PRKAR1B: variants seen among roughly 807,000 people sequenced by gnomAD.
The protein encoded by PRKAR1B is protein kinase cAMP-dependent type I regulatory subunit beta.
Under a neutral mutation model 46.5 loss-of-function variants are expected in PRKAR1B, and 22 were observed. That is an observed-to-expected ratio of 0.47 (90% confidence interval 0.34 to 0.68). PRKAR1B has a LOEUF of 0.68. PRKAR1B is among the 30% of genes least tolerant of loss of function. PRKAR1B has a pLI of 0.01. For missense variants in PRKAR1B, 445 were observed against 535.6 expected, an observed-to-expected ratio of 0.83 and a Z score of 1.67; for synonymous variants, 259 against 217.7, an observed-to-expected ratio of 1.19 and a Z score of -1.67.
Position 711,384 on chromosome 7 carries a change from G to C in PRKAR1B, c.122C>G (p.Ser41Cys). 1 of 1,614,246 alleles carries C rather than the reference G, an allele frequency of 6.2e-7. No individual in the cohort carries two copies. The highest frequency in any genetic ancestry group is 1.3e-5 in the African/African-American group (1 of 75,074). The change falls in exon 2 of 11, where the codon TCC (serine) becomes TGC (cysteine). Residue 41 changes from serine (S) to cysteine (C), a missense_variant. By Grantham distance (112) the Ser-to-Cys change is moderately radical (BLOSUM62 -1). Coordinates refer to ENST00000537384, the MANE Select transcript of PRKAR1B (RefSeq NM_001164760.2). ...LKDCIVHLCISKPERPMKFLR... is the reference protein window; with the variant it reads ...LKDCIVHLCICKPERPMKFLR... The stretch of plus-strand genomic sequence containing the variant: ...GAACTTCATGGGGCGTTCGGGCTTG[G>C]AGATGCAGAGGTGGACGATACAGTC...
intron 6 of PRKAR1B, among the ~76,000 whole-genome samples, chr7:597,202 G>A (rs112665950): frequency 0.062 from 9,478 of 152,280 alleles, 352 homozygotes; most frequent in East Asian, 0.078. Flanking sequence ...GTTGCATATC[G>A]GGAAAGAATG....
chr7:611,244 G>A (rs1782466100), intron 4 of PRKAR1B, among the ~76,000 whole-genome samples: 1 of 152,220 alleles, frequency 6.6e-6, no homozygotes, highest in African/African-American at 2.4e-5. Context: ...CAGAGCATGT[G>A]CCTCCCTCTC....
intron 4 of PRKAR1B, among the ~76,000 whole-genome samples, chr7:657,544 A>T (rs1416060415): frequency 1.3e-5 from 2 of 152,234 alleles, no homozygotes; most frequent in African/African-American, 4.8e-5. Context: ...TTTCACCGTT[A>T]GAAAATACAA....
chr7:719,226 G>A (rs1051749628), intron 1 of PRKAR1B, among the ~76,000 whole-genome samples: 1 of 152,014 alleles, frequency 6.6e-6, no homozygotes, highest in East Asian at 1.9e-4. Flanking sequence ...TTTTAGTAGA[G>A]ACGCGGTTTC....
Position 635,074 on chromosome 7 carries a change from C to T in PRKAR1B, c.441-27622G>A. Reference sequence around the variant, plus strand: ...GCTGAGTGGCAAAGGGTACACAGGGCTTCATGATACTCTCCTTGCAACGTT... The same window carrying T: ...GCTGAGTGGCAAAGGGTACACAGGGTTTCATGATACTCTCCTTGCAACGTT... On this transcript the variant is annotated intron_variant, in intron 4 of 10. Transcript: ENST00000537384. Among the ~76,000 whole-genome samples, 2 of 152,224 alleles carry T rather than the reference C, an allele frequency of 1.3e-5. 1 individual carries two copies. The highest frequency in any genetic ancestry group is 3.8e-4 in the East Asian group (2 of 5,196).
intron 4 of PRKAR1B, among the ~76,000 whole-genome samples, chr7:635,719 G>C (rs534752860): frequency 6.6e-6 from 1 of 152,158 alleles, no homozygotes; most frequent in East Asian, 1.9e-4. Context: ...AAGGCACAGC[G>C]AGGGAGACGG....
intron 4 of PRKAR1B, among the ~76,000 whole-genome samples, chr7:664,904 A>G (rs1785820027): frequency 6.6e-6 from 1 of 152,098 alleles, no homozygotes; most frequent in Non-Finnish European, 1.5e-5. Flanking sequence ...ACGGAGCAAG[A>G]CTGTGTCTCA....
At chr7:571,271 C>G (rs1014569605) in intron 9 of PRKAR1B, among the ~76,000 whole-genome samples, 3 of 152,206 alleles carry the variant, frequency 2.0e-5, no homozygotes, top group South Asian at 2.1e-4. Context: ...CCAGGAGCCT[C>G]GCGGTACAGG....
At chr7:681,244 T>C (rs1778667206) in intron 2 of PRKAR1B, among the ~76,000 whole-genome samples, 1 of 151,506 alleles carries the variant, frequency 6.6e-6, no homozygotes, top group Admixed American at 6.6e-5. Context: ...TGTGAGTCAA[T>C]TCAACCTCTC....
chr7:689,179 G>T (rs906922352), intron 2 of PRKAR1B, among the ~76,000 whole-genome samples: 58 of 151,682 alleles, frequency 3.8e-4, no homozygotes, highest in African/African-American at 1.3e-3. Context: ...GCAGTGGCGC[G>T]ATCTCGGCTC....
chr7:703,910 G>C (rs1780186436), intron 2 of PRKAR1B, among the ~76,000 whole-genome samples: 1 of 151,990 alleles, frequency 6.6e-6, no homozygotes, highest in Admixed American at 6.6e-5. Context: ...AAATAACAGA[G>C]AGATATCAAA....
At position 649,558 on chromosome 7, in the gene PRKAR1B, G is replaced by A. The variant is rs148781803; in HGVS notation, c.440+27671C>T. 3.1e-4 allele frequency among the ~76,000 whole-genome samples: 47 copies of A among 151,714 alleles called. No individual in the cohort carries two copies. The East Asian group carries it at 5.6e-3, about 18-fold the overall frequency. The stretch of plus-strand genomic sequence containing the variant: ...ATATTTACACTGATTTATATGTAGC[G>A]CCTTATTTATTTATTTATTTATTTA... On this transcript the variant is annotated intron_variant, in intron 4 of 10. Coordinates refer to ENST00000537384, the MANE Select transcript of PRKAR1B (RefSeq NM_001164760.2).
intron 1 of PRKAR1B, 40 bp downstream of exon 1, chr7:727,170 C>T: frequency 7.6e-7 from 1 of 1,319,552 alleles, no homozygotes. Flanking sequence ...AGCTGCTGGG[C>T]CTGGCCGTGG....
At chr7:607,516 C>T (rs1782164805) in intron 4 of PRKAR1B, 64 bp from the exon 5 acceptor site, 9 of 1,370,958 alleles carry the variant, frequency 6.6e-6, no homozygotes, top group Middle Eastern at 1.8e-4. Context: ...ACCCTTCCTC[C>T]CCTCATTTCA....
chr7:617,644 G>A (rs928139631), intron 4 of PRKAR1B, among the ~76,000 whole-genome samples: 1 of 152,136 alleles, frequency 6.6e-6, no homozygotes, highest in African/African-American at 2.4e-5. Context: ...CCTTGTCACC[G>A]ACTGTCACCC....
intron 7 of PRKAR1B, among the ~76,000 whole-genome samples, chr7:595,256 G>A (rs896888718): frequency 6.6e-6 from 1 of 152,178 alleles, no homozygotes; most frequent in Non-Finnish European, 1.5e-5. Flanking sequence ...GCACCCGGGC[G>A]TCCTGCCCTG....
chr7:564,733 G>T (rs1779029393), intron 9 of PRKAR1B, among the ~76,000 whole-genome samples: 1 of 152,194 alleles, frequency 6.6e-6, no homozygotes, highest in Admixed American at 6.5e-5. Flanking sequence ...AGGGGAGGGG[G>T]GATCGGCCGG....
At chr7:727,980 C>T (rs778578134), upstream of PRKAR1B, among the ~76,000 whole-genome samples, 1 of 151,826 alleles carries the variant, frequency 6.6e-6, no homozygotes, top group Admixed American at 6.6e-5. Flanking sequence ...TGGTTGAGGG[C>T]ACGCGCTTTG....
rs937152964 is a variant in PRKAR1B, at chr7:647,268, G to A, written c.440+29961C>T. ...CCATGTCAGGTCCTCAGCAAAACCC[G>A]TTGGTCTAACCAAGGGCCATCACCC... On this transcript the variant is annotated intron_variant, in intron 4 of 10. Coordinates refer to ENST00000537384, the MANE Select transcript of PRKAR1B (RefSeq NM_001164760.2). Among the ~76,000 whole-genome samples, 14 of 152,068 alleles carry A rather than the reference G, an allele frequency of 9.2e-5. No individual in the cohort carries two copies. In the South Asian group the frequency reaches 1.0e-3, roughly 11 times the overall value.
Sources: allele counts gnomAD v4.1 joint callset (sites outside exome capture counted in the v4.1 genomes callset), GRCh38; gene constraint gnomAD v4.1.1; transcripts MANE v1.5; gene names NCBI Gene and HGNC (gene_info 2026-07-23, HGNC 2026-07-21).